The following HPSE2 variants were observed in gnomAD, a reference collection of about 807,000 sequenced individuals.
The protein encoded by HPSE2 is inactive heparanase-2.
In HPSE2, 38 loss-of-function variants were observed where a neutral mutation model predicts 60.5. That is an observed-to-expected ratio of 0.63 (90% CI 0.48 to 0.82). The LOEUF (loss-of-function observed/expected upper bound fraction) is 0.82. Among genes scored for constraint, HPSE2 ranks in the 40% least tolerant of loss-of-function variants. HPSE2 has a pLI of 0.00. For synonymous variants in HPSE2, 295 were observed against 293.2 expected, an observed-to-expected ratio of 1.01 and a Z score of -0.06; for missense variants, 713 against 740.4, an observed-to-expected ratio of 0.96 and a Z score of 0.43.
At position 98,569,409 on chromosome 10, in the gene HPSE2, T is replaced by G. The variant is rs139194872; in HGVS notation, c.1320+45495A>C. ...TTTACATTCTTCTATCCTTCTCTAC[T>G]TTTAATTAAAATGTAAAATAAACTT... On this transcript the variant is annotated intron_variant, in intron 9 of 11. Coordinates refer to ENST00000370552, the MANE Select transcript of HPSE2 (RefSeq NM_021828.5). Among the ~76,000 whole-genome samples, 252 of 152,312 alleles carry G rather than the reference T, an allele frequency of 1.7e-3. 1 individual carries two copies. The highest frequency in any genetic ancestry group is 5.9e-3 in the African/African-American group (245 of 41,572).
chr10:98,603,187 C>G (rs1431387837), intron 9 of HPSE2, among the ~76,000 whole-genome samples: 1 of 152,142 alleles, frequency 6.6e-6, no homozygotes, highest in Non-Finnish European at 1.5e-5. Context: ...CAGACAAATA[C>G]AGGGAGTCAT....
At chr10:98,463,273 A>T (rs1940380389) in intron 11 of HPSE2, among the ~76,000 whole-genome samples, 1 of 152,146 alleles carries the variant, frequency 6.6e-6, no homozygotes, top group Non-Finnish European at 1.5e-5. Context: ...ACCCAGCTCC[A>T]GCTACCTCTC....
chr10:98,830,184 CG>C (rs1306786917), intron 3 of HPSE2, among the ~76,000 whole-genome samples: 3 of 152,112 alleles, frequency 2.0e-5, no homozygotes, highest in Non-Finnish European at 4.4e-5. Flanking sequence ...CCAAGCACTA[CG>C]GAAACTGCAG....
chr10:99,107,216 C>G (rs547585188), intron 3 of HPSE2, among the ~76,000 whole-genome samples: 2 of 152,230 alleles, frequency 1.3e-5, no homozygotes, highest in East Asian at 1.9e-4. Flanking sequence ...ACTAATTTTT[C>G]TATATCCTTT....
chr10:98,981,943 T>A (rs1956217039), intron 3 of HPSE2, among the ~76,000 whole-genome samples: 1 of 152,140 alleles, frequency 6.6e-6, no homozygotes, highest in African/African-American at 2.4e-5. Context: ...CTTACTGGCC[T>A]CTTTTTCTTA....
intron 2 of HPSE2, among the ~76,000 whole-genome samples, chr10:99,221,144 C>A (rs919776537): frequency 1.3e-5 from 2 of 152,026 alleles, no homozygotes; most frequent in African/African-American, 4.8e-5. Context: ...CGCACTTGGC[C>A]GGCTTTCAGT....
chr10:98,693,913 C>T lies in HPSE2; in HGVS notation c.991G>A (p.Val331Ile). The T allele has an allele frequency of 6.2e-7, 1 of 1,612,892 alleles. No homozygotes were observed. The highest frequency in any genetic ancestry group is 8.5e-7 in the Non-Finnish European group (1 of 1,178,914). The change falls in exon 6 of 12, where the codon GTT (valine) becomes ATT (isoleucine). Residue 331 changes from valine to isoleucine, a missense_variant. By Grantham distance (29) the Val-to-Ile change is conservative (BLOSUM62 3). Transcript: ENST00000370552. ...MKVAGSTVDA[V>I]TWQHCYIDGR... ...GTGAATACCTACTGTTGCCAGGTAA[C>T]TGCATCTACTGTACTTCCTGCCACC...
intron 3 of HPSE2, among the ~76,000 whole-genome samples, chr10:98,803,092 T>A (rs1218963868): frequency 1.1e-3 from 160 of 151,998 alleles, no homozygotes; most frequent in African/African-American, 3.8e-3. Context: ...CATTTTTTCA[T>A]GTGTTTTTTG....
chr10:98,903,391 A>C (rs1277380011), intron 3 of HPSE2, among the ~76,000 whole-genome samples: 13 of 152,134 alleles, frequency 8.5e-5, no homozygotes, highest in Non-Finnish European at 2.9e-5. Flanking sequence ...ATTGAATTGT[A>C]CACTTTAAAT....
At chr10:99,257,029 T>C in the HPSE2 span, among the ~76,000 whole-genome samples, 2 of 152,202 alleles carry the variant, frequency 1.3e-5, no homozygotes, top group African/African-American at 4.8e-5. Context: ...CTGCAATCTC[T>C]GAACATAAAT....
chr10:99,084,710 A>G (rs1374256461), intron 3 of HPSE2, among the ~76,000 whole-genome samples: 1 of 152,242 alleles, frequency 6.6e-6, no homozygotes, highest in Non-Finnish European at 1.5e-5. Context: ...AAATTCTAGT[A>G]AAGCTAGGCA....
chr10:98,799,166 G>T (rs1177178933), intron 3 of HPSE2, among the ~76,000 whole-genome samples: 2 of 152,142 alleles, frequency 1.3e-5, no homozygotes, highest in Admixed American at 1.3e-4. Context: ...CAGATTTCAA[G>T]ATAAAAGCTA....
chr10:98,845,054 A>T (rs72836740), intron 3 of HPSE2, among the ~76,000 whole-genome samples: 1 of 152,276 alleles, frequency 6.6e-6, no homozygotes, highest in Non-Finnish European at 1.5e-5. Flanking sequence ...AATAAAATGA[A>T]GGCAACTCCT....
At chr10:98,990,418 G>T (rs1035194880) in intron 3 of HPSE2, among the ~76,000 whole-genome samples, 3 of 152,164 alleles carry the variant, frequency 2.0e-5, no homozygotes, top group Non-Finnish European at 4.4e-5. Flanking sequence ...TATTGCTGCT[G>T]CTGATCTGAC....
chr10:99,243,966 T>C, the HPSE2 span, among the ~76,000 whole-genome samples: 11 of 152,084 alleles, frequency 7.2e-5, no homozygotes, highest in Non-Finnish European at 1.3e-4. Flanking sequence ...ATCTCAAACA[T>C]TGAGATTAAT....
chr10:99,090,762 G>A (rs925100748), intron 3 of HPSE2, among the ~76,000 whole-genome samples: 3 of 151,258 alleles, frequency 2.0e-5, no homozygotes, highest in Admixed American at 2.0e-4. Context: ...TTTTCAATTT[G>A]TGATCAAAGA....
At chr10:98,782,497 G>A (rs957165597) in intron 3 of HPSE2, among the ~76,000 whole-genome samples, 1 of 142,236 alleles carries the variant, frequency 7.0e-6, no homozygotes, top group Admixed American at 7.2e-5. Flanking sequence ...GTGTGTGCAT[G>A]TTTGTGTATG....
intron 2 of HPSE2, among the ~76,000 whole-genome samples, chr10:99,147,866 T>C (rs1469134588): frequency 6.6e-6 from 1 of 152,098 alleles, no homozygotes; most frequent in African/African-American, 2.4e-5. Context: ...TTCAAAATTA[T>C]CTTGGAAATC....
chr10:99,184,264 C>A (rs572277618), intron 2 of HPSE2, among the ~76,000 whole-genome samples: 1 of 152,094 alleles, frequency 6.6e-6, no homozygotes, highest in East Asian at 1.9e-4. Context: ...GTGGCTCACA[C>A]CTGTAATCTC....
Sources: gnomAD v4.1 joint callset for allele counts (sites outside exome capture counted in the v4.1 genomes callset) on GRCh38, gnomAD v4.1.1 for gene constraint, MANE v1.5 for transcripts, NCBI Gene and HGNC (gene_info 2026-07-23, HGNC 2026-07-21) for gene names.